MYH6: variants seen among roughly 807,000 people sequenced by gnomAD.
The protein encoded by MYH6 is myosin-6.
Under a neutral mutation model 223.2 loss-of-function variants are expected in MYH6, and 126 were observed. The observed-to-expected ratio is 0.56, with a 90% CI of 0.49 to 0.65. MYH6 has a LOEUF of 0.65. MYH6 is among the 30% of genes least tolerant of loss of function. The probability of loss-of-function intolerance (pLI) is 0.00; values close to 1 mark genes in which losing one functional copy is unlikely to be tolerated. For synonymous variants in MYH6, 978 were observed against 1,010.2 expected, an observed-to-expected ratio of 0.97 and a Z score of 0.61; for missense variants, 2,040 against 2,536.4, an observed-to-expected ratio of 0.80 and a Z score of 4.20.
intron 20 of MYH6, among the ~76,000 whole-genome samples, chr14:23,394,953 C>A (rs1257744138): frequency 6.6e-6 from 1 of 152,232 alleles, no homozygotes; most frequent in Non-Finnish European, 1.5e-5. Context: ...GCAACCTCTG[C>A]CACCCGGATT....
chr14:23,385,327 C>T (rs550631213), intron 34 of MYH6, among the ~76,000 whole-genome samples: 10 of 151,426 alleles, frequency 6.6e-5, no homozygotes, highest in African/African-American at 9.7e-5. Flanking sequence ...AGGAGCATGA[C>T]AATATTCCAA....
Position 23,384,568 on chromosome 14 carries a change from C to T in MYH6, c.5439G>A (p.Gln1813=), listed in dbSNP as rs200854143. 7.4e-4 allele frequency: 1,193 copies of T among 1,613,738 alleles called. 16 individuals are homozygous for T. In the South Asian group the frequency reaches 0.012, roughly 17 times the overall value. The change falls in exon 36 of 39, where the codon CAG becomes CAA. Residue 1813 remains glutamine, a synonymous_variant. Coordinates refer to ENST00000405093, the MANE Select transcript of MYH6 (RefSeq NM_002471.4). ...EQIALKGGKK[Q]LQKLEARVRE... ...GCACCCGCGCTTCCAGCTTCTGCAG[C>T]TGCTTCTTGCCTCCCTTGAGGGCGA...
chr14:23,388,345 A>C lies in MYH6; in HGVS notation c.4176-7T>G. 6.2e-7 allele frequency: 1 copy of C among 1,612,534 alleles called. No individual in the cohort carries two copies. The highest frequency in any genetic ancestry group is 8.5e-7 in the Non-Finnish European group (1 of 1,179,986). ...CCGCTGGGCCAGCTTCTTTCTGCCCAGGTGAGGGTGGAGGGTGTGTGTGTG... is the reference window on the plus strand; with the variant it reads ...CCGCTGGGCCAGCTTCTTTCTGCCCCGGTGAGGGTGGAGGGTGTGTGTGTG... On this transcript the variant is annotated splice_polypyrimidine_tract_variant and splice_region_variant and intron_variant, in intron 29 of 38. Coordinates refer to ENST00000405093, the MANE Select transcript of MYH6 (RefSeq NM_002471.4).
intron 37 of MYH6, among the ~76,000 whole-genome samples, chr14:23,382,967 G>A (rs1890904599): frequency 6.6e-6 from 1 of 151,516 alleles, no homozygotes; most frequent in South Asian, 2.1e-4. Flanking sequence ...CTTCAGCTTC[G>A]GCTGCCCCAC....
intron 28 of MYH6, 120 bp from the exon 29 acceptor site, chr14:23,389,175 G>T: frequency 7.8e-7 from 1 of 1,274,696 alleles, no homozygotes; most frequent in Non-Finnish European, 1.1e-6. Context: ...GGCTGATGTG[G>T]CACCTCACTG....
At chr14:23,404,890 A>T (rs896541167) in intron 6 of MYH6, 68 bp from the exon 7 acceptor site, 29 of 1,534,332 alleles carry the variant, frequency 1.9e-5, no homozygotes, top group Non-Finnish European at 2.5e-5. Flanking sequence ...TCAGCATCAC[A>T]TGCTCCCCTT....
chr14:23,388,500 C>G (rs992696048), intron 29 of MYH6, 162 bp from the exon 30 acceptor site: 7 of 1,224,796 alleles, frequency 5.7e-6, no homozygotes, highest in African/African-American at 1.5e-5. Context: ...TCCGCCAGCA[C>G]GGGCTGCCCA....
In MYH6 at chr14:23,384,507, G is replaced by C; in HGVS notation, c.5500C>G (p.Arg1834Gly). The C allele has an allele frequency of 6.2e-7, 1 of 1,613,162 alleles. No homozygotes were observed. Among genetic ancestry groups the C allele is most frequent in the Non-Finnish European group, 8.5e-7 (1 of 1,180,026 alleles). ...ATGCCCTTCACCGACTCTGCGTTGC[G>C]CTTCTGCTCGGCCTCCAGCTCACCC... ...LEGELEAEQK[R>G]NAESVKGMRK... The change falls in exon 36 of 39, where the codon CGC becomes GGC. Residue 1834 changes from arginine (R) to glycine (G), a missense_variant. Around this residue, in one of 4 missense-constraint regions of MYH6, gnomAD observed 1,203 missense variants for 1,400.2 expected, o/e 0.86. Transcript: ENST00000405093.
chr14:23,382,090 G>T, intron 38 of MYH6, 27 bp from the exon 39 acceptor site: 1 of 1,603,954 alleles, frequency 6.2e-7, no homozygotes, highest in Non-Finnish European at 8.5e-7. Flanking sequence ...AGGTGTGAGG[G>T]GGCAGCTGGC....
chr14:23,393,472 G>A lies in MYH6; in HGVS notation c.2975C>T (p.Ala992Val). 6.2e-7 allele frequency: 1 copy of A among 1,614,146 alleles called. No homozygotes were observed. The highest frequency in any genetic ancestry group is 1.3e-5 in the African/African-American group (1 of 75,010). The change falls in exon 23 of 39, where the codon GCT (alanine) becomes GTT (valine). Residue 992 changes from alanine to valine, a missense_variant. Around this residue, in one of 4 missense-constraint regions of MYH6, gnomAD observed 1,203 missense variants for 1,400.2 expected, o/e 0.86. Coordinates refer to ENST00000405093, the MANE Select transcript of MYH6 (RefSeq NM_002471.4). Reference sequence around the variant, plus strand: ...AGCTTTCTTCTCCTTGGTCAGCTTAGCGATGATTTCATCCAGCCCAGCCAT... The same window carrying A: ...AGCTTTCTTCTCCTTGGTCAGCTTAACGATGATTTCATCCAGCCCAGCCAT... ...EEMAGLDEII[A>V]KLTKEKKALQ...
rs1219794609 is a variant in MYH6, at chr14:23,388,919, T to C, written c.4115A>G (p.Gln1372Arg). ...GTCCGTCTCATACTTGGTCCTCCACTGGGCCACCTCCGAGTTGGCCTTGGA... is the reference window on the plus strand; with the variant it reads ...GTCCGTCTCATACTTGGTCCTCCACCGGGCCACCTCCGAGTTGGCCTTGGA... ...VLSKANSEVA[Q>R]WRTKYETDAI... The change falls in exon 29 of 39, where the codon CAG becomes CGG. Residue 1372 changes from glutamine to arginine, a missense_variant. By Grantham distance (43) the Gln-to-Arg change is conservative (BLOSUM62 1). This residue lies in a region of MYH6 where 1,203 missense variants were observed against 1,400.2 expected (regional missense o/e 0.86). Coordinates refer to ENST00000405093, the MANE Select transcript of MYH6 (RefSeq NM_002471.4). 5 of 1,613,826 alleles carry C rather than the reference T, an allele frequency of 3.1e-6. No homozygotes were observed. The highest frequency in any genetic ancestry group is 2.2e-5 in the South Asian group (2 of 91,058).
intron 15 of MYH6, 108 bp downstream of exon 15, chr14:23,398,620 T>C: frequency 2.2e-6 from 3 of 1,343,842 alleles, no homozygotes; most frequent in South Asian, 1.2e-5. Context: ...GCTTGACTCA[T>C]GGGCTCCCCT....
At position 23,400,829 on chromosome 14, in the gene MYH6, C is replaced by T; in HGVS notation, c.1290G>A (p.Lys430=). The change falls in exon 13 of 39, where the codon AAG becomes AAA. Residue 430 remains lysine (K), a synonymous_variant. Coordinates refer to ENST00000405093, the MANE Select transcript of MYH6 (RefSeq NM_002471.4). Reference sequence around the variant, plus strand: ...AGTTGAACATCTTCTCATACACTGCCTTGGCCAGAGCCCCGATGGAGTAGT... The same window carrying T: ...AGTTGAACATCTTCTCATACACTGCTTTGGCCAGAGCCCCGATGGAGTAGT... ...QVYYSIGALA[K]AVYEKMFNWM... The T allele has an allele frequency of 4.3e-6, 7 of 1,614,214 alleles. No homozygotes were observed. The highest frequency in any genetic ancestry group is 5.9e-6 in the Non-Finnish European group (7 of 1,180,034).
intron 20 of MYH6, 115 bp from the exon 21 acceptor site, chr14:23,394,438 C>A: frequency 7.5e-7 from 1 of 1,324,810 alleles, no homozygotes; most frequent in African/African-American, 1.5e-5. Context: ...ACACCCACCT[C>A]CAACATCACT....
rs201822160 is a variant in MYH6, at chr14:23,400,934, G to C, written c.1185C>G (p.Asp395Glu). 4 of 1,614,198 alleles carry C rather than the reference G, an allele frequency of 2.5e-6. No individual in the cohort carries two copies. Among genetic ancestry groups the C allele is most frequent in the Admixed American group, 1.7e-5 (1 of 60,022 alleles). The change falls in exon 13 of 39, where the codon GAC (aspartate) becomes GAG (glutamate). Residue 395 changes from aspartate to glutamate, a missense_variant. By Grantham distance (45) the Asp-to-Glu change is conservative (BLOSUM62 2). Coordinates refer to ENST00000405093, the MANE Select transcript of MYH6 (RefSeq NM_002471.4). ...SAYLMGLNSADLLKGLCHPRV... is the reference protein window; with the variant it reads ...SAYLMGLNSAELLKGLCHPRV... ...GAGGGTGGCACAGCCCCTTGAGCAGGTCAGCTGAGTTCAGCCCCATGAGGT... is the reference window on the plus strand; with the variant it reads ...GAGGGTGGCACAGCCCCTTGAGCAGCTCAGCTGAGTTCAGCCCCATGAGGT...
At chr14:23,397,932 C>CTTCTTCTTCTTCTTCTTCTTCTTCTTTT (rs1891451894) in intron 15 of MYH6, among the ~76,000 whole-genome samples, 1 of 90,142 alleles carries the variant, frequency 1.1e-5, no homozygotes, top group Non-Finnish European at 2.3e-5. Flanking sequence ...CCTCCTCCTC[C>CTTCTTCTTCTTCTTCTTCTTCTTCTTTT]TCTTCTTCTT....
In MYH6 at chr14:23,405,887, T is replaced by A; in HGVS notation, c.202-117A>T. On this transcript the variant is annotated intron_variant, in intron 3 of 38. Coordinates refer to ENST00000405093, the MANE Select transcript of MYH6 (RefSeq NM_002471.4). This position sits in a 1 kb window ranked among gnomAD's most constrained non-coding sequence, Gnocchi z 4.7. ...GGACTTGGCCTTGCTCCCCTTGCTC[T>A]GACCAGTGCCCCGGCCCCTACCCCG... 12 of 1,334,356 alleles carry A rather than the reference T, an allele frequency of 9.0e-6. No individual in the cohort carries two copies. The highest frequency in any genetic ancestry group is 1.2e-5 in the Non-Finnish European group (11 of 933,926). 82.7% of individuals were successfully genotyped at this position (1,334,356 alleles called of 1,614,324 possible).
Position 23,404,372 on chromosome 14 carries a change from T to C in MYH6, c.659A>G (p.Gln220Arg). Residue 220 changes from glutamine (Q) to arginine (R), a missense_variant, in exon 8 of 39, where the codon CAG (glutamine) becomes CGG (arginine). Around this residue, in one of 4 missense-constraint regions of MYH6, gnomAD observed 649 missense variants for 877.3 expected, o/e 0.74. Transcript: ENST00000405093. ...ANANKGTLEDQIIQANPALEA... is the reference protein window; with the variant it reads ...ANANKGTLEDRIIQANPALEA... ...CAGAGCGGGGTTGGCCTGGATGATC[T>C]GGTCCTCCAGGGTGCCCTATGAAAG... The C allele has an allele frequency of 6.2e-7, 1 of 1,614,236 alleles. No individual in the cohort carries two copies.
rs2516353 is a variant in MYH6, at chr14:23,402,477, T to A, written c.1128A>T (p.Pro376=). Residue 376 remains proline (P), a synonymous_variant, in exon 12 of 39, where the codon CCA becomes CCT. Transcript: ENST00000405093. ...TGCCCCTCCCACCTTCGGTGCCGTC[T>A]GGCTCCGCCTGCTCCTCCCGCTGCT... is the stretch of plus-strand genomic sequence containing the variant. ...KQKQREEQAE[P]DGTEDADKSA... The A allele has an allele frequency of 6.2e-7, 1 of 1,613,366 alleles. No individual in the cohort carries two copies. The highest frequency in any genetic ancestry group is 8.5e-7 in the Non-Finnish European group (1 of 1,179,972).
Sources: gnomAD v4.1 joint callset for allele counts (sites outside exome capture counted in the v4.1 genomes callset) on GRCh38, gnomAD v4.1.1 for gene constraint, gnomAD v4.1.1 regional missense constraint, Gnocchi (gnomAD v3.1) non-coding constraint, MANE v1.5 for transcripts, NCBI Gene and HGNC (gene_info 2026-07-23, HGNC 2026-07-21) for gene names.